ADGRG7: variants seen among roughly 807,000 people sequenced by gnomAD.
The protein encoded by ADGRG7 is G-protein coupled receptor 128.
A neutral mutation model predicts 88.6 loss-of-function variants in ADGRG7; 82 were observed. The observed-to-expected ratio is 0.93, with a 90% confidence interval of 0.77 to 1.11. The LOEUF (loss-of-function observed/expected upper bound fraction) is 1.11. Among genes scored for constraint, ADGRG7 ranks in the 50% most tolerant of loss-of-function variants. The pLI, the probability that ADGRG7 is intolerant of heterozygous loss-of-function variation, is 0.00. For missense variants in ADGRG7, 945 were observed against 953.4 expected (o/e 0.99, Z 0.12); for synonymous variants, 381 against 345.2 (o/e 1.10, Z -1.15).
chr3:100,692,221 T>C (rs2149045045), intron 15 of ADGRG7, among the ~76,000 whole-genome samples: 1 of 152,344 alleles, frequency 6.6e-6, no homozygotes, highest in Admixed American at 6.5e-5. Flanking sequence ...TCATCCTTTA[T>C]CCCAGGTAGC....
intron 15 of ADGRG7, among the ~76,000 whole-genome samples, chr3:100,691,635 T>C (rs1240812285): frequency 6.9e-6 from 1 of 144,944 alleles, no homozygotes; most frequent in Non-Finnish European, 1.5e-5. Context: ...CCCATGATCA[T>C]ATCTTATGTT....
At chr3:100,680,387 A>G (rs2149039591) in intron 15 of ADGRG7, among the ~76,000 whole-genome samples, 2 of 152,276 alleles carry the variant, frequency 1.3e-5, no homozygotes, top group South Asian at 4.1e-4. Context: ...AGCAAATACA[A>G]GTCTTACGTT....
intron 15 of ADGRG7, among the ~76,000 whole-genome samples, chr3:100,686,971 A>C (rs574764133): frequency 5.3e-5 from 8 of 152,310 alleles, no homozygotes; most frequent in Non-Finnish European, 1.0e-4. Context: ...TACCTTGGGC[A>C]GTATGGCCAT....
chr3:100,673,342 G>A (rs925496617), intron 15 of ADGRG7, among the ~76,000 whole-genome samples: 1 of 152,030 alleles, frequency 6.6e-6, no homozygotes, highest in Non-Finnish European at 1.5e-5. Context: ...CAATTTTCTA[G>A]TTTATTTGCA....
intron 6 of ADGRG7, chr3:100,637,696 A>G (rs1576319393): frequency 3.1e-6 from 1 of 326,968 alleles, no homozygotes; most frequent in Non-Finnish European, 5.7e-6. Context: ...ACCAAGGGAC[A>G]ACTTCCATGC....
At chr3:100,685,704 T>G (rs570136340) in intron 15 of ADGRG7, among the ~76,000 whole-genome samples, 1 of 152,306 alleles carries the variant, frequency 6.6e-6, no homozygotes, top group African/African-American at 2.4e-5. Flanking sequence ...GGACATGAAC[T>G]CATCATTTTT....
At chr3:100,645,748 T>G (rs1707732958) in intron 8 of ADGRG7, among the ~76,000 whole-genome samples, 197 bp from the exon 9 acceptor site, 1 of 152,044 alleles carries the variant, frequency 6.6e-6, no homozygotes, top group Non-Finnish European at 1.5e-5. Context: ...AAAAAATTAA[T>G]GTGGGTGGAA....
At chr3:100,629,807 T>C in intron 2 of ADGRG7, 96 bp downstream of exon 2, 1 of 769,934 alleles carries the variant, frequency 1.3e-6, no homozygotes, top group East Asian at 2.7e-5. Context: ...AGTTAATGGT[T>C]ACAGAAACAA....
At chr3:100,684,764 C>T (rs2094979376) in intron 15 of ADGRG7, among the ~76,000 whole-genome samples, 1 of 151,202 alleles carries the variant, frequency 6.6e-6, no homozygotes, top group Non-Finnish European at 1.5e-5. Context: ...TATTTTCATT[C>T]TATTTTAAAT....
intron 5 of ADGRG7, 129 bp downstream of exon 5, chr3:100,635,955 A>G: frequency 1.5e-6 from 1 of 683,132 alleles, no homozygotes; most frequent in South Asian, 2.5e-5. Context: ...TAAGTTGCTT[A>G]AAGGCATTTT....
At chr3:100,672,753 A>G (rs112779827) in intron 15 of ADGRG7, among the ~76,000 whole-genome samples, 15,745 of 152,132 alleles carry the variant, frequency 0.1, 1,121 homozygotes, top group East Asian at 0.28. Flanking sequence ...TTTATTGAGA[A>G]GTTTTAGCAT....
chr3:100,616,744 C>T (rs982208891), intron 1 of ADGRG7, among the ~76,000 whole-genome samples: 1 of 152,108 alleles, frequency 6.6e-6, no homozygotes. Flanking sequence ...TCCCTTGAGC[C>T]CAGGAGATGG....
rs372140404 is a variant in ADGRG7, at chr3:100,637,329, A to G, written c.625A>G (p.Ser209Gly). Residue 209 changes from serine (S) to glycine (G), a missense_variant, in exon 6 of 16, where the codon AGT becomes GGT. Physicochemically the swap from Ser to Gly is moderately conservative, Grantham distance 56 (BLOSUM62 0). Transcript: ENST00000273352. ...EAKKVAIVTV[S>G]QLLDASEDAF... is the part of the protein sequence containing the mutation. ...AAAGAAAGTTGCCATAGTAACAGTG[A>G]GTCAACTCCTAGATGCCAGTGAAGA... 2 of 1,613,762 alleles carry G rather than the reference A, an allele frequency of 1.2e-6. No individual in the cohort carries two copies. The highest frequency in any genetic ancestry group is 1.7e-6 in the Non-Finnish European group (2 of 1,179,710).
At position 100,629,958 on chromosome 3, in the gene ADGRG7, G is replaced by A. The variant is rs56251398; in HGVS notation, c.229+247G>A. 2.0e-3 allele frequency among the ~76,000 whole-genome samples: 309 copies of A among 152,140 alleles called. 1 individual carries two copies. The highest frequency in any genetic ancestry group is 6.6e-3 in the African/African-American group (276 of 41,504). On this transcript the variant is annotated intron_variant, in intron 2 of 15. Transcript: ENST00000273352. ...TAAGTTTTTTTGCAAACTCACAGTCGTGTTTCCTGGCTGCAATGACTAATC... is the reference window on the plus strand; with the variant it reads ...TAAGTTTTTTTGCAAACTCACAGTCATGTTTCCTGGCTGCAATGACTAATC...
chr3:100,633,408 G>C, intron 4 of ADGRG7, 31 bp downstream of exon 4: 2 of 1,259,396 alleles, frequency 1.6e-6, no homozygotes, highest in Non-Finnish European at 2.2e-6. Context: ...ATGGGCAACT[G>C]GAAGAAGTTC....
At chr3:100,617,474 G>A (rs894347596) in intron 1 of ADGRG7, among the ~76,000 whole-genome samples, 33 of 151,082 alleles carry the variant, frequency 2.2e-4, no homozygotes, top group Admixed American at 6.6e-4. Context: ...GCGGTGCTTG[G>A]TTTTTTGTCC....
intron 6 of ADGRG7, among the ~76,000 whole-genome samples, chr3:100,640,991 G>A (rs930901773): frequency 5.9e-5 from 9 of 152,018 alleles, no homozygotes; most frequent in African/African-American, 2.2e-4. Context: ...TTTTATTTCT[G>A]TTCCAGCTAG....
At chr3:100,673,889 A>T (rs1223655107) in intron 15 of ADGRG7, among the ~76,000 whole-genome samples, 2 of 151,632 alleles carry the variant, frequency 1.3e-5, no homozygotes, top group Non-Finnish European at 2.9e-5. Flanking sequence ...GATCTTAGTT[A>T]TTTCTTGTCT....
intron 11 of ADGRG7, 162 bp from the exon 12 acceptor site, chr3:100,654,673 G>T: frequency 1.8e-6 from 1 of 551,926 alleles, no homozygotes; most frequent in Non-Finnish European, 3.2e-6. Context: ...ATAGTTTTCT[G>T]ATGTAATCGA....
Sources: allele counts gnomAD v4.1 joint callset (sites outside exome capture counted in the v4.1 genomes callset), GRCh38; gene constraint gnomAD v4.1.1; transcripts MANE v1.5; gene names NCBI Gene and HGNC (gene_info 2026-07-23, HGNC 2026-07-21).